The following LRRC7 variants were observed in gnomAD, a reference collection of about 807,000 sequenced individuals.
The protein encoded by LRRC7 is leucine rich repeat containing 7.
Under a neutral mutation model 175.7 loss-of-function variants are expected in LRRC7, and 23 were observed. The ratio of observed to expected loss-of-function variants is 0.13; its 90% CI spans 0.09 to 0.19. The LOEUF is 0.19. LRRC7 is among the 10% of genes least tolerant of loss of function. The pLI, the probability that LRRC7 is intolerant of heterozygous loss-of-function variation, is 1.00. For missense variants in LRRC7, 1,354 were observed against 1,904.7 expected, an observed-to-expected ratio of 0.71 and a Z score of 5.38; for synonymous variants, 685 against 680.9, an observed-to-expected ratio of 1.01 and a Z score of -0.09.
At chr1:69,861,150 A>C (rs1043047007) in intron 7 of LRRC7, among the ~76,000 whole-genome samples, 1 of 152,128 alleles carries the variant, frequency 6.6e-6, no homozygotes, top group Non-Finnish European at 1.5e-5. Context: ...GTTATATTTT[A>C]ATTTTATGTA....
intron 1 of LRRC7, among the ~76,000 whole-genome samples, chr1:69,594,683 C>G (rs925231672): frequency 2.6e-5 from 4 of 152,162 alleles, no homozygotes; most frequent in African/African-American, 9.7e-5. Context: ...AGTCCAGATC[C>G]TCATAATCTC....
At chr1:69,949,241 G>GCATTTA (rs1291280225) in intron 8 of LRRC7, among the ~76,000 whole-genome samples, 1 of 151,994 alleles carries the variant, frequency 6.6e-6, no homozygotes, top group African/African-American at 2.4e-5. Context: ...CTTTCTCTAT[G>GCATTTA]CATTTACATT....
At chr1:69,784,031 C>G (rs1345255699) in intron 3 of LRRC7, among the ~76,000 whole-genome samples, 1 of 151,874 alleles carries the variant, frequency 6.6e-6, no homozygotes, top group Non-Finnish European at 1.5e-5. Context: ...ATAAGAAAGT[C>G]GTGTTATATG....
At chr1:69,774,128 G>A (rs1232981038) in intron 3 of LRRC7, among the ~76,000 whole-genome samples, 1 of 152,100 alleles carries the variant, frequency 6.6e-6, no homozygotes, top group Non-Finnish European at 1.5e-5. Flanking sequence ...TAGAATCCAG[G>A]GACCAGGGCC....
At chr1:69,812,336 C>G (rs1677994497) in intron 4 of LRRC7, among the ~76,000 whole-genome samples, 1 of 152,112 alleles carries the variant, frequency 6.6e-6, no homozygotes, top group African/African-American at 2.4e-5. Context: ...GGCCTAGTTT[C>G]AAACCCTGGG....
intron 7 of LRRC7, among the ~76,000 whole-genome samples, chr1:69,914,416 G>T (rs1646626366): frequency 6.6e-6 from 1 of 152,174 alleles, no homozygotes; most frequent in African/African-American, 2.4e-5. Context: ...ATATTTTCCA[G>T]CTTTGCAATC....
chr1:69,995,089 G>C (rs1654805376), intron 11 of LRRC7, among the ~76,000 whole-genome samples: 1 of 152,074 alleles, frequency 6.6e-6, no homozygotes, highest in African/African-American at 2.4e-5. Flanking sequence ...ATTTTTAGAA[G>C]CTAAGGAGAA....
intron 7 of LRRC7, among the ~76,000 whole-genome samples, chr1:69,872,559 T>C (rs72676814): frequency 0.014 from 2,067 of 152,214 alleles, 25 homozygotes; most frequent in Non-Finnish European, 0.019. Flanking sequence ...GCTATTGCTG[T>C]ATCTAGAGAT....
chr1:69,702,808 G>A (rs1366471912), intron 2 of LRRC7, among the ~76,000 whole-genome samples: 1 of 152,058 alleles, frequency 6.6e-6, no homozygotes. Flanking sequence ...TTGATGAGAT[G>A]TGAAATATAG....
intron 26 of LRRC7, among the ~76,000 whole-genome samples, chr1:70,117,830 AGT>A (rs1393071819): frequency 6.6e-6 from 1 of 152,150 alleles, no homozygotes; most frequent in Non-Finnish European, 1.5e-5. Context: ...AATCTATGAT[AGT>A]GTGTTTATAT....
rs564933440 is a variant in LRRC7, at chr1:69,949,685, C to T, written c.711+18115C>T. Among the ~76,000 whole-genome samples the T allele has an allele frequency of 1.8e-3, 279 of 152,042 alleles. 2 individuals are homozygous for T. The South Asian group carries it at 0.021, about 12-fold the overall frequency. On this transcript the variant is annotated intron_variant, in intron 8 of 26. Transcript: ENST00000651989. ...CCAATATTTTGGTATTTTAACAATGCCATAAACAACTTTTTATATATACAT... is the reference window on the plus strand; with the variant it reads ...CCAATATTTTGGTATTTTAACAATGTCATAAACAACTTTTTATATATACAT...
intron 1 of LRRC7, among the ~76,000 whole-genome samples, chr1:69,626,514 GT>G (rs1267063553): frequency 1.3e-5 from 2 of 151,510 alleles, no homozygotes; most frequent in Non-Finnish European, 2.9e-5. Context: ...TCCTCCAGAA[GT>G]TTCACTTTAG....
At chr1:69,981,708 C>A (rs534485396) in intron 9 of LRRC7, among the ~76,000 whole-genome samples, 4 of 152,146 alleles carry the variant, frequency 2.6e-5, no homozygotes, top group Non-Finnish European at 5.9e-5. Context: ...TGAGGCAACA[C>A]GAGACACTTA....
chr1:70,112,503 A>G (rs2102224992), intron 26 of LRRC7, among the ~76,000 whole-genome samples: 1 of 152,322 alleles, frequency 6.6e-6, no homozygotes, highest in African/African-American at 2.4e-5. Flanking sequence ...GAAACTAATA[A>G]AGTACTTGAT....
chr1:70,074,991 T>C (rs1433699785), intron 23 of LRRC7, among the ~76,000 whole-genome samples: 2 of 152,226 alleles, frequency 1.3e-5, no homozygotes, highest in East Asian at 3.8e-4. Flanking sequence ...CAAGCTTTCC[T>C]AGCTAATGAA....
intron 8 of LRRC7, among the ~76,000 whole-genome samples, chr1:69,952,718 G>T (rs938108398): frequency 6.6e-6 from 1 of 151,802 alleles, no homozygotes; most frequent in Admixed American, 6.6e-5. Context: ...TCATGTTCAG[G>T]CACCTCCAGT....
At chr1:69,894,949 G>C (rs556444332) in intron 7 of LRRC7, among the ~76,000 whole-genome samples, 1 of 152,100 alleles carries the variant, frequency 6.6e-6, no homozygotes, top group East Asian at 1.9e-4. Context: ...AATTTAGGCC[G>C]GGGGGCGTGG....
chr1:69,608,216 A>T (rs1647958232), intron 1 of LRRC7: 1 of 152,184 alleles, frequency 6.6e-6, no homozygotes, highest in African/African-American at 2.4e-5. Context: ...TTTGTCATTT[A>T]CCAATTTCTG....
intron 7 of LRRC7, among the ~76,000 whole-genome samples, chr1:69,898,916 C>G (rs548281008): frequency 6.6e-5 from 10 of 152,328 alleles, no homozygotes; most frequent in African/African-American, 2.4e-4. Context: ...ATTGCTGCTG[C>G]AACAGAGATC....
Sources: gnomAD v4.1 joint callset for allele counts (sites outside exome capture counted in the v4.1 genomes callset) on GRCh38, gnomAD v4.1.1 for gene constraint, MANE v1.5 for transcripts, NCBI Gene and HGNC (gene_info 2026-07-23, HGNC 2026-07-21) for gene names.